Variants in GRM1 observed in about 807,000 individuals in gnomAD.
GRM1 encodes the protein glutamate metabotropic receptor 1, also known as metabotropic glutamate receptor 1.
In GRM1, 33 loss-of-function variants were observed where a neutral mutation model predicts 90.9. The observed-to-expected ratio is 0.36, with a 90% CI of 0.28 to 0.49. The LOEUF is 0.49. Among genes scored for constraint, GRM1 ranks in the 20% least tolerant of loss-of-function variants. GRM1 has a pLI of 0.99. For synonymous variants in GRM1, 700 were observed against 613.2 expected (o/e 1.14, Z -2.09); for missense variants, 1,190 against 1,534.3 (o/e 0.78, Z 3.75).
At chr6:146,313,942 T>A (rs1338207656) in intron 3 of GRM1, among the ~76,000 whole-genome samples, 1 of 152,012 alleles carries the variant, frequency 6.6e-6, no homozygotes, top group Non-Finnish European at 1.5e-5. Flanking sequence ...TAATATAAAT[T>A]GAATTTTTAT....
At chr6:146,252,592 C>T (rs1781332457) in intron 2 of GRM1, among the ~76,000 whole-genome samples, 2 of 151,718 alleles carry the variant, frequency 1.3e-5, no homozygotes, top group African/African-American at 2.4e-5. Context: ...ACAGCCTGGG[C>T]GACAGAGCAA....
chr6:146,163,978 A>G (rs1777823742), intron 2 of GRM1, among the ~76,000 whole-genome samples: 1 of 152,150 alleles, frequency 6.6e-6, no homozygotes, highest in African/African-American at 2.4e-5. Context: ...ATAGAACTAT[A>G]TTTATGTAGA....
intron 3 of GRM1, among the ~76,000 whole-genome samples, chr6:146,327,304 AG>A (rs1343400684): frequency 6.6e-6 from 1 of 152,154 alleles, no homozygotes; most frequent in African/African-American, 2.4e-5. Flanking sequence ...GATAAATTCA[AG>A]GTTGTGTTTA....
chr6:146,214,104 C>T (rs1779787930), intron 2 of GRM1, among the ~76,000 whole-genome samples: 1 of 152,088 alleles, frequency 6.6e-6, no homozygotes, highest in African/African-American at 2.4e-5. Flanking sequence ...GGTGCCTGGC[C>T]ACTTTGAGGG....
intron 2 of GRM1, among the ~76,000 whole-genome samples, chr6:146,240,013 T>TA (rs1780794688): frequency 6.6e-6 from 1 of 152,008 alleles, no homozygotes; most frequent in Non-Finnish European, 1.5e-5. Context: ...TCACTGTCCA[T>TA]AAAATGGAAA....
chr6:146,031,130 AT>A (rs1394453001), intron 1 of GRM1, among the ~76,000 whole-genome samples: 2 of 152,130 alleles, frequency 1.3e-5, no homozygotes, highest in Non-Finnish European at 2.9e-5. Context: ...ATTTTCAAAA[AT>A]TTTTTATATA....
At chr6:146,137,916 A>G (rs1453578378) in intron 1 of GRM1, among the ~76,000 whole-genome samples, 2 of 152,108 alleles carry the variant, frequency 1.3e-5, no homozygotes, top group Non-Finnish European at 2.9e-5. Context: ...ATTTGTGACT[A>G]CTATAAATGG....
intron 2 of GRM1, among the ~76,000 whole-genome samples, chr6:146,210,522 G>T (rs1242968432): frequency 2.0e-5 from 3 of 152,202 alleles, no homozygotes; most frequent in Non-Finnish European, 2.9e-5. Context: ...AAAAGCTGCT[G>T]CTTCTTTGTT....
intron 2 of GRM1, among the ~76,000 whole-genome samples, chr6:146,240,530 G>T (rs2114730913): frequency 6.6e-6 from 1 of 152,180 alleles, no homozygotes; most frequent in African/African-American, 2.4e-5. Context: ...CTGGCAGGAA[G>T]GGAGCCAGGA....
intron 2 of GRM1, among the ~76,000 whole-genome samples, chr6:146,280,823 G>A (rs1036243699): frequency 7.3e-5 from 11 of 151,700 alleles, no homozygotes; most frequent in Admixed American, 3.9e-4. Flanking sequence ...AGATAGGGTC[G>A]GACTATGCTG....
intron 2 of GRM1, among the ~76,000 whole-genome samples, chr6:146,205,283 T>TAATG (rs1779457019): frequency 6.6e-6 from 1 of 152,234 alleles, no homozygotes; most frequent in Non-Finnish European, 1.5e-5. Flanking sequence ...TTTAATATTC[T>TAATG]TTCATAGCAT....
rs769167075 is a variant in GRM1, at chr6:146,304,736, T to C, written c.1076T>C (p.Leu359Pro). The change falls in exon 3 of 8, where the codon CTG (leucine) becomes CCG (proline). Residue 359 changes from leucine to proline, a missense_variant. By Grantham distance (98) the Leu-to-Pro change is moderately conservative. Around this residue, in one of 10 missense-constraint regions of GRM1, gnomAD observed 414 missense variants for 598.4 expected, o/e 0.69. Coordinates refer to ENST00000282753, the MANE Select transcript of GRM1 (RefSeq NM_001278064.2). ...SFDDYFLKLR[L>P]DTNTRNPWFP... ...GATGATTATTTCCTGAAACTGAGGC[T>C]GGACACTAACACGAGGAATCCCTGG... 1.9e-6 allele frequency: 3 copies of C among 1,614,006 alleles called. No individual in the cohort carries two copies. Among genetic ancestry groups the C allele is most frequent in the East Asian group, 2.2e-5 (1 of 44,886 alleles).
intron 3 of GRM1, among the ~76,000 whole-genome samples, chr6:146,348,332 T>A (rs1208422115): frequency 6.6e-6 from 1 of 152,202 alleles, no homozygotes; most frequent in African/African-American, 2.4e-5. Flanking sequence ...CCTTACAACA[T>A]TATCTAGACA....
Position 146,434,230 on chromosome 6 carries a change from C to G in GRM1, c.3019C>G (p.Pro1007Ala). The G allele has an allele frequency of 6.2e-7, 1 of 1,605,318 alleles. No homozygotes were observed. Residue 1007 changes from proline (P) to alanine (A), a missense_variant, in exon 8 of 8, where the codon CCA becomes GCA. Physicochemically the swap from Pro to Ala is conservative, Grantham distance 27. Around this residue, in one of 10 missense-constraint regions of GRM1, gnomAD observed 400 missense variants for 360.8 expected, o/e 1.11. Coordinates refer to ENST00000282753, the MANE Select transcript of GRM1 (RefSeq NM_001278064.2). ...GGAGACCCCCCTCTTCCTGGCCGAA[C>G]CAGCCCTCCCCAAGGGCTTGCCCCC... ...AEETPLFLAE[P>A]ALPKGLPPPL...
intron 1 of GRM1, among the ~76,000 whole-genome samples, chr6:146,122,012 G>A (rs990597910): frequency 1.3e-4 from 20 of 152,098 alleles, no homozygotes; most frequent in African/African-American, 4.1e-4. Flanking sequence ...TCGTTGATCC[G>A]TCTAATATTG....
intron 1 of GRM1, among the ~76,000 whole-genome samples, chr6:146,056,385 A>T (rs1423454777): frequency 1.3e-5 from 2 of 152,054 alleles, no homozygotes; most frequent in African/African-American, 4.8e-5. Flanking sequence ...AGAAATCAGA[A>T]ATTGTATGTG....
rs1038213637 is a variant in GRM1, at chr6:146,436,892, T to C, written c.*2096T>C. The C allele has an allele frequency of 6.6e-6, 1 of 152,658 alleles. No individual in the cohort carries two copies. Among genetic ancestry groups the C allele is most frequent in the Non-Finnish European group, 1.5e-5 (1 of 68,026 alleles). The allele number at this position is 152,658 out of a possible 1,614,324, so 9.5% of individuals were successfully genotyped here. On this transcript the variant is annotated 3_prime_UTR_variant, in exon 8 of 8. Transcript: ENST00000282753. ...TCATTTGTTCAGAATTTAACATCCA[T>C]TCCAATGTTGGAGGCTTGTATTACT... is the stretch of plus-strand genomic sequence containing the variant.
At chr6:146,143,093 C>T (rs1776949634) in intron 1 of GRM1, among the ~76,000 whole-genome samples, 1 of 152,126 alleles carries the variant, frequency 6.6e-6, no homozygotes, top group Non-Finnish European at 1.5e-5. Context: ...GGCCTAAGAG[C>T]TCTTTAGTCA....
At chr6:146,181,313 T>C (rs1474641920) in intron 2 of GRM1, among the ~76,000 whole-genome samples, 3 of 152,032 alleles carry the variant, frequency 2.0e-5, no homozygotes. Flanking sequence ...ATGAAATGTC[T>C]GAGGCACTGA....
Sources: gnomAD v4.1 joint callset for allele counts (sites outside exome capture counted in the v4.1 genomes callset) on GRCh38, gnomAD v4.1.1 for gene constraint, gnomAD v4.1.1 regional missense constraint, MANE v1.5 for transcripts, NCBI Gene and HGNC (gene_info 2026-07-23, HGNC 2026-07-21) for gene names.